The following SNRPD1 variants were observed in gnomAD, a reference collection of about 807,000 sequenced individuals.
SNRPD1 encodes the protein small nuclear ribonucleoprotein Sm D1.
In SNRPD1, 1 loss-of-function variant was observed where a neutral mutation model predicts 14.4. That is an observed-to-expected ratio of 0.07 (90% CI 0.02 to 0.33). The LOEUF (loss-of-function observed/expected upper bound fraction) is 0.33. Among genes scored for constraint, SNRPD1 ranks in the 10% least tolerant of loss-of-function variants. The pLI, the probability that SNRPD1 is intolerant of heterozygous loss-of-function variation, is 1.00. For missense variants in SNRPD1, 52 were observed against 146.4 expected (o/e 0.36, Z 3.33); for synonymous variants, 42 against 50.3 (o/e 0.83, Z 0.70).
At chr18:21,618,340 T>TAA (rs1491338772) in intron 1 of SNRPD1, among the ~76,000 whole-genome samples, 1 of 150,768 alleles carries the variant, frequency 6.6e-6, no homozygotes, top group Non-Finnish European at 1.5e-5. Flanking sequence ...AACCTCTGTT[T>TAA]AAAAAAAAAC....
chr18:21,615,011 C>T (rs571100244), intron 1 of SNRPD1, among the ~76,000 whole-genome samples: 54 of 152,176 alleles, frequency 3.5e-4, no homozygotes, highest in African/African-American at 1.3e-3. Flanking sequence ...GTGTATATTT[C>T]CTGCTATTGA....
At chr18:21,623,413 T>A (rs1291055938) in intron 2 of SNRPD1, among the ~76,000 whole-genome samples, 1 of 152,104 alleles carries the variant, frequency 6.6e-6, no homozygotes. Context: ...GGAATGGGGA[T>A]TATGAGGAAG....
In SNRPD1 at chr18:21,633,310, T is replaced by C. The variant is rs1044823904; in HGVS notation, c.*4172T>C. The C allele has an allele frequency of 6.6e-6, 1 of 152,226 alleles. No homozygotes were observed. Among genetic ancestry groups the C allele is most frequent in the African/African-American group, 2.4e-5 (1 of 41,450 alleles). 9.4% of individuals were successfully genotyped at this position (152,226 alleles called of 1,614,324 possible). ...TGTAGTCAGCAAACAATTCATGTATTACCTATAATAGATATCATACATATA... is the reference window on the plus strand; with the variant it reads ...TGTAGTCAGCAAACAATTCATGTATCACCTATAATAGATATCATACATATA... On this transcript the variant is annotated 3_prime_UTR_variant, in exon 4 of 4. Coordinates refer to ENST00000300413, the MANE Select transcript of SNRPD1 (RefSeq NM_006938.4).
intron 1 of SNRPD1, among the ~76,000 whole-genome samples, chr18:21,615,160 T>C (rs2038947851): frequency 6.6e-6 from 1 of 152,214 alleles, no homozygotes; most frequent in African/African-American, 2.4e-5. Flanking sequence ...CCACCAGAAA[T>C]GAATTTTGCC....
At chr18:21,617,901 C>T (rs2038969111) in intron 1 of SNRPD1, among the ~76,000 whole-genome samples, 1 of 152,158 alleles carries the variant, frequency 6.6e-6, no homozygotes, top group African/African-American at 2.4e-5. Context: ...ATCTCTTGAA[C>T]CCGGGAGACG....
chr18:21,628,631 C>T (rs941596523), intron 3 of SNRPD1, among the ~76,000 whole-genome samples: 2 of 152,096 alleles, frequency 1.3e-5, no homozygotes, highest in Non-Finnish European at 2.9e-5. Flanking sequence ...TTAAACTTTC[C>T]TGGTTTTGAA....
chr18:21,621,319 A>C (rs2038996259), intron 1 of SNRPD1, among the ~76,000 whole-genome samples: 1 of 152,204 alleles, frequency 6.6e-6, no homozygotes, highest in Non-Finnish European at 1.5e-5. Context: ...AATTGAACCA[A>C]AGTAATGTCC....
chr18:21,627,443 T>G (rs1427023248), intron 3 of SNRPD1, among the ~76,000 whole-genome samples: 1 of 141,800 alleles, frequency 7.1e-6, no homozygotes, highest in Non-Finnish European at 1.5e-5. Context: ...GGTTTTTTTT[T>G]TTTTTTTTTT....
At chr18:21,624,955 T>A (rs1009190191) in intron 3 of SNRPD1, among the ~76,000 whole-genome samples, 10 of 152,150 alleles carry the variant, frequency 6.6e-5, no homozygotes, top group Non-Finnish European at 1.0e-4. Flanking sequence ...AGTTATACTG[T>A]ATTGTTTAGG....
At position 21,633,262 on chromosome 18, in the gene SNRPD1, C is replaced by G. The variant is rs1458072128; in HGVS notation, c.*4124C>G. On this transcript the variant is annotated 3_prime_UTR_variant, in exon 4 of 4. Transcript: ENST00000300413. ...ATCTATCATAATTATGTGAGCATAA[C>G]TTAGTATTTTGAAATAGATTAATGT... The G allele has an allele frequency of 6.6e-6, 1 of 152,188 alleles. No individual in the cohort carries two copies. Among genetic ancestry groups the G allele is most frequent in the East Asian group, 1.9e-4 (1 of 5,204 alleles). The allele number at this position is 152,188 out of a possible 1,614,324, so 9.4% of individuals were successfully genotyped here.
rs1332124285 is a variant in SNRPD1 at position 21,632,832 on chromosome 18, T to A, written c.*3694T>A. On this transcript the variant is annotated 3_prime_UTR_variant, in exon 4 of 4. Coordinates refer to ENST00000300413, the MANE Select transcript of SNRPD1 (RefSeq NM_006938.4). ...ACATATGAACTTTAGTTTTTTTTCT[T>A]TTCTTTTCTTTTCTTTTCTTTTCTT... is the stretch of plus-strand genomic sequence containing the variant. 1.3e-5 allele frequency: 2 copies of A among 149,618 alleles called. No homozygotes were observed. Among genetic ancestry groups the A allele is most frequent in the Non-Finnish European group, 2.9e-5 (2 of 68,566 alleles). The allele number at this position is 149,618 out of a possible 1,614,324, so 9.3% of individuals were successfully genotyped here.
chr18:21,625,332 T>TTTTTTTTTTTTTG (rs1311786891), intron 3 of SNRPD1, among the ~76,000 whole-genome samples: 1 of 148,304 alleles, frequency 6.7e-6, no homozygotes, highest in Non-Finnish European at 1.5e-5. Flanking sequence ...TTTTTTTTTT[T>TTTTTTTTTTTTTG]TGAGATGGAG....
In SNRPD1 at chr18:21,619,188, G is replaced by A. The variant is rs190745111; in HGVS notation, c.15-3537G>A. ...GAGATGGTGTGATCAATTTTTTTTC[G>A]TTTGTTTTTTTGACAAAGTCTCACT... On this transcript the variant is annotated intron_variant, in intron 1 of 3. Transcript: ENST00000300413. Among the ~76,000 whole-genome samples, 108 of 151,964 alleles carry A rather than the reference G, an allele frequency of 7.1e-4. 1 individual carries two copies. Among genetic ancestry groups the A allele is most frequent in the Admixed American group, 5.3e-4 (8 of 15,238 alleles).
At chr18:21,628,205 C>T (rs2039054934) in intron 3 of SNRPD1, among the ~76,000 whole-genome samples, 1 of 152,028 alleles carries the variant, frequency 6.6e-6, no homozygotes, top group Non-Finnish European at 1.5e-5. Flanking sequence ...CAAAGGGAGA[C>T]CTCATCTCTA....
chr18:21,622,676 T>C, intron 1 of SNRPD1, 49 bp from the exon 2 acceptor site: 2 of 884,962 alleles, frequency 2.3e-6, no homozygotes, highest in East Asian at 2.4e-5. Context: ...CCTTAATAAA[T>C]GTGATTTTAA....
chr18:21,622,286 C>T (rs572586667), intron 1 of SNRPD1, among the ~76,000 whole-genome samples: 1 of 152,096 alleles, frequency 6.6e-6, no homozygotes, highest in Admixed American at 6.6e-5. Context: ...ACTACAGGTG[C>T]CCGCCACCAT....
Position 21,623,800 on chromosome 18 carries a change from G to A in SNRPD1, c.144G>A (p.Lys48=). ...TTAAAGCTGTGAAAATGACCCTGAA[G>A]AACAGAGAACCTGTACAGCTGGAAA... ...THLKAVKMTL[K]NREPVQLETL... is the part of the protein sequence containing the mutation. Residue 48 remains lysine (K), a synonymous_variant, in exon 3 of 4, where the codon AAG becomes AAA. Transcript: ENST00000300413. 6.2e-7 allele frequency: 1 copy of A among 1,612,486 alleles called. No individual in the cohort carries two copies. Among genetic ancestry groups the A allele is most frequent in the South Asian group, 1.1e-5 (1 of 90,600 alleles).
intron 1 of SNRPD1, among the ~76,000 whole-genome samples, chr18:21,621,460 G>A (rs543394625): frequency 3.9e-5 from 6 of 152,220 alleles, no homozygotes; most frequent in Non-Finnish European, 5.9e-5. Context: ...GGGTACAGTG[G>A]AACAATCTCA....
At chr18:21,628,814 A>G (rs964382509) in intron 3 of SNRPD1, among the ~76,000 whole-genome samples, 2 of 152,146 alleles carry the variant, frequency 1.3e-5, no homozygotes, top group African/African-American at 4.8e-5. Flanking sequence ...CTTAGTAAAT[A>G]AATTGAAATG....
Sources: allele counts gnomAD v4.1 joint callset (sites outside exome capture counted in the v4.1 genomes callset), GRCh38; gene constraint gnomAD v4.1.1; transcripts MANE v1.5; gene names NCBI Gene and HGNC (gene_info 2026-07-23, HGNC 2026-07-21).